The following LIME1 variants were observed in gnomAD, a reference collection of about 807,000 sequenced individuals.
LIME1 encodes the protein lck-interacting transmembrane adapter 1.
In LIME1, 23 loss-of-function variants were observed where a neutral mutation model predicts 18.8. The ratio of observed to expected loss-of-function variants is 1.22; its 90% CI spans 0.88 to 1.73. LIME1 has a LOEUF of 1.73. Among genes scored for constraint, LIME1 ranks in the 40% most tolerant of loss-of-function variants. LIME1 has a pLI of 0.00. For synonymous variants in LIME1, 177 were observed against 182.3 expected, an observed-to-expected ratio of 0.97 and a Z score of 0.23; for missense variants, 423 against 396.8, an observed-to-expected ratio of 1.07 and a Z score of -0.56.
chr20:63,737,010 C>T, intron 1 of LIME1: 1 of 986,262 alleles, frequency 1.0e-6, no homozygotes, highest in African/African-American at 1.7e-5. Context: ...TCAGCACCCC[C>T]AGCAGCTGCT....
In LIME1 at chr20:63,738,483, T is replaced by G. The variant is rs964422221; in HGVS notation, c.569T>G (p.Val190Gly). 6.6e-7 allele frequency: 1 copy of G among 1,516,926 alleles called. No individual in the cohort carries two copies. The highest frequency in any genetic ancestry group is 2.2e-5 in the Admixed American group (1 of 45,544). The allele number at this position is 1,516,926 out of a possible 1,614,324, so 94.0% of individuals were successfully genotyped here. ...GAGCCACAGCAGGGGAAGACTGAGG[T>G]GACCCCGGCCGCTCAGGTAACGTGG... is the stretch of plus-strand genomic sequence containing the variant. ...PQEPQQGKTE[V>G]TPAAQVDVLY... Residue 190 changes from valine to glycine, a missense_variant, in exon 5 of 6, where the codon GTG becomes GGG. Coordinates refer to ENST00000309546, the MANE Select transcript of LIME1 (RefSeq NM_017806.4).
chr20:63,737,152 T>G, intron 1 of LIME1: 2 of 1,008,410 alleles, frequency 2.0e-6, no homozygotes, highest in East Asian at 9.7e-5. Context: ...AGACCATGTC[T>G]GGGCAGAGGG....
At chr20:63,736,261 T>G, upstream of LIME1, 1 of 271,320 alleles carries the variant, frequency 3.7e-6, no homozygotes, top group Non-Finnish European at 7.1e-6. Flanking sequence ...CTTCTTACCC[T>G]TCTCTGACCA....
At chr20:63,735,829 G>T (rs1281619123), upstream of LIME1, 2 of 1,612,012 alleles carry the variant, frequency 1.2e-6, no homozygotes, top group Non-Finnish European at 1.7e-6. Flanking sequence ...CAGGAGCCCA[G>T]CGCCAGCTGG....
intron 5 of LIME1, 47 bp from the exon 6 acceptor site, chr20:63,738,551 A>AGGTTGGATGGTGCTGACCCCTCCTCG: frequency 6.6e-7 from 1 of 1,515,808 alleles, no homozygotes; most frequent in Admixed American, 2.2e-5. Context: ...GATCCTCAGC[A>AGGTTGGATGGTGCTGACCCCTCCTCG]GGTTGGATGG....
chr20:63,737,739 C>A, intron 2 of LIME1, 82 bp from the exon 3 acceptor site: 1 of 1,416,068 alleles, frequency 7.1e-7, no homozygotes, highest in Non-Finnish European at 9.2e-7. Context: ...GTCCGCGCAC[C>A]CAGCTCGGCA....
chr20:63,738,796 GACCCTGCTGGCAGGAGCAGC>G lies in LIME1; in HGVS notation c.787_806del (p.Pro263ValfsTer39), dbSNP rs759296987. 26 of 1,612,730 alleles carry G rather than the reference GACCCTGCTGGCAGGAGCAGC, an allele frequency of 1.6e-5. No individual in the cohort carries two copies. Among genetic ancestry groups the G allele is most frequent in the Non-Finnish European group, 2.1e-5 (25 of 1,179,922 alleles). On this transcript the variant is annotated frameshift_variant, in exon 6 of 6. Transcript: ENST00000309546. LOFTEE classifies it low-confidence loss of function (END_TRUNC). ...GTATGAGAGCATCCGGGAGCTGGGG[GACCCTGCTGGCAGGAGCAGC>G]ACGTGCGGGGCTGGGACGCCCCCTG...
Position 63,737,889 on chromosome 20 carries a change from C to T in LIME1, c.167C>T (p.Thr56Met). 1.3e-6 allele frequency: 2 copies of T among 1,580,910 alleles called. No homozygotes were observed. Among genetic ancestry groups the T allele is most frequent in the Non-Finnish European group, 1.7e-6 (2 of 1,168,296 alleles). Residue 56 changes from threonine to methionine, a missense_variant, in exon 3 of 6, where the codon ACG (threonine) becomes ATG (methionine). Transcript: ENST00000309546. ...CGGGCGAGGCTGCAGGGCAGTGCGA[C>T]GGCGGCGGAAGCGGTGAGTGCCAGG... ...RQRARLQGSA[T>M]AAEASLLRRT...
chr20:63,738,509 G>T lies in LIME1; in HGVS notation c.585+10G>T, dbSNP rs1291126602. The T allele has an allele frequency of 1.3e-6, 2 of 1,512,676 alleles. No individual in the cohort carries two copies. The highest frequency in any genetic ancestry group is 1.8e-6 in the Non-Finnish European group (2 of 1,131,022). The allele number at this position is 1,512,676 out of a possible 1,614,324, so 93.7% of individuals were successfully genotyped here. On this transcript the variant is annotated intron_variant, in intron 5 of 5. Coordinates refer to ENST00000309546, the MANE Select transcript of LIME1 (RefSeq NM_017806.4). ...GACCCCGGCCGCTCAGGTAACGTGGGCCAGGGTAGGGCGCTGTGGGTGGGG... is the reference window on the plus strand; with the variant it reads ...GACCCCGGCCGCTCAGGTAACGTGGTCCAGGGTAGGGCGCTGTGGGTGGGG...
At chr20:63,737,470 G>C in intron 1 of LIME1, 63 bp from the exon 2 acceptor site, 1 of 1,402,874 alleles carries the variant, frequency 7.1e-7, no homozygotes, top group South Asian at 1.6e-5. Flanking sequence ...TGCAGATTTG[G>C]GGCTGCCAGG....
chr20:63,738,076 G>GGCGGGC lies in LIME1; in HGVS notation c.268+21_268+22insCGCGGG. The GGCGGGC allele has an allele frequency of 6.6e-7, 1 of 1,524,902 alleles. No individual in the cohort carries two copies. The allele number at this position is 1,524,902 out of a possible 1,614,324, so 94.5% of individuals were successfully genotyped here. On this transcript the variant is annotated intron_variant, in intron 4 of 5. Coordinates refer to ENST00000309546, the MANE Select transcript of LIME1 (RefSeq NM_017806.4). ...AGCAGCAGGGGTGAGCAGAGGGCGG[G>GGCGGGC]GCGGGGGCGGCCGGGCGGGGCTTAC...
Position 63,737,901 on chromosome 20 carries a change from C to T in LIME1, c.179C>T (p.Ala60Val), listed in dbSNP as rs374534157. The T allele has an allele frequency of 2.4e-5, 38 of 1,578,736 alleles. No homozygotes were observed. Among genetic ancestry groups the T allele is most frequent in the Admixed American group, 3.5e-5 (2 of 56,884 alleles). Residue 60 changes from alanine (A) to valine (V), a missense_variant and splice_region_variant, in exon 3 of 6, where the codon GCG becomes GTG. Coordinates refer to ENST00000309546, the MANE Select transcript of LIME1 (RefSeq NM_017806.4). ...CAGGGCAGTGCGACGGCGGCGGAAG[C>T]GGTGAGTGCCAGGCTGTCCCGGGGA... ...RLQGSATAAE[A>V]SLLRRTHLCS...
In LIME1 at chr20:63,738,997, G is replaced by T. The variant is rs1031821672; in HGVS notation, c.*97G>T. 1.2e-4 allele frequency: 136 copies of T among 1,176,948 alleles called. No homozygotes were observed. The highest frequency in any genetic ancestry group is 2.5e-4 in the Middle Eastern group (1 of 4,036). 72.9% of individuals were successfully genotyped at this position (1,176,948 alleles called of 1,614,324 possible). Reference sequence around the variant, plus strand: ...AGCGCCAGTCCCAGGTCCCCGGGCTGCCAGCCCGTGAGGTCCGTGAGGTCC... The same window carrying T: ...AGCGCCAGTCCCAGGTCCCCGGGCTTCCAGCCCGTGAGGTCCGTGAGGTCC... On this transcript the variant is annotated 3_prime_UTR_variant, in exon 6 of 6. Transcript: ENST00000309546.
intron 1 of LIME1, 197 bp from the exon 2 acceptor site, chr20:63,737,336 C>T (rs937456437): frequency 8.3e-6 from 11 of 1,324,586 alleles, no homozygotes; most frequent in Middle Eastern, 2.8e-4. Context: ...CCCTAGTTCA[C>T]CTCACCGGGA....
At chr20:63,738,571 C>T in intron 5 of LIME1, 27 bp from the exon 6 acceptor site, 8 of 1,533,764 alleles carry the variant, frequency 5.2e-6, no homozygotes, top group Non-Finnish European at 7.0e-6. Context: ...GTGCTGACCC[C>T]TCCTCGGGTT....
Position 63,739,026 on chromosome 20 carries a change from C to T in LIME1, c.*126C>T, listed in dbSNP as rs1252510538. On this transcript the variant is annotated 3_prime_UTR_variant, in exon 6 of 6. Coordinates refer to ENST00000309546, the MANE Select transcript of LIME1 (RefSeq NM_017806.4). The stretch of plus-strand genomic sequence containing the variant: ...GCCCGTGAGGTCCGTGAGGTCCTGG[C>T]CGCTCTGACAGCCGCGGCCTCCCCG... 1.1e-5 allele frequency: 9 copies of T among 850,002 alleles called. No homozygotes were observed. The Admixed American group carries it at 2.5e-4, about 24-fold the overall frequency. The allele number at this position is 850,002 out of a possible 1,614,324, so 52.7% of individuals were successfully genotyped here.
Position 63,738,170 on chromosome 20 carries a change from AC to A in LIME1, c.269-9del. 1 of 1,554,824 alleles carries A rather than the reference AC, an allele frequency of 6.4e-7. No individual in the cohort carries two copies. Reference sequence around the variant, plus strand: ...CCTGCCCGGAGTGAACTCTGCCCTGACCCCACCCCCAGCCCTGCGGCCTGCC... The same window carrying A: ...CCTGCCCGGAGTGAACTCTGCCCTGACCCACCCCCAGCCCTGCGGCCTGCC... On this transcript the variant is annotated splice_polypyrimidine_tract_variant and intron_variant, in intron 4 of 5. Transcript: ENST00000309546.
rs1437089080 is a variant in LIME1, at chr20:63,738,955, C to A, written c.*55C>A. 2 of 1,424,266 alleles carry A rather than the reference C, an allele frequency of 1.4e-6. No individual in the cohort carries two copies. The highest frequency in any genetic ancestry group is 1.4e-5 in the African/African-American group (1 of 69,144). The allele number at this position is 1,424,266 out of a possible 1,614,324, so 88.2% of individuals were successfully genotyped here. A position where few individuals can be genotyped will look rare whatever the true frequency, so the allele number is the denominator to read the frequency against. ...GAGTGAGGCCCGTCCCCCGCCCCGC[C>A]CCGCCTCACAGCTGACAGCGCCAGT... On this transcript the variant is annotated 3_prime_UTR_variant, in exon 6 of 6. Coordinates refer to ENST00000309546, the MANE Select transcript of LIME1 (RefSeq NM_017806.4).
intron 1 of LIME1, 139 bp from the exon 2 acceptor site, chr20:63,737,394 C>A: frequency 7.4e-7 from 1 of 1,353,836 alleles, no homozygotes. Flanking sequence ...ACTGCCAGGC[C>A]TTGGGGCTTC....
Sources: gnomAD v4.1 joint callset for allele counts on GRCh38, gnomAD v4.1.1 for gene constraint, MANE v1.5 for transcripts, NCBI Gene and HGNC (gene_info 2026-07-23, HGNC 2026-07-21) for gene names.